GTF3C1: variants seen among roughly 807,000 people sequenced by gnomAD.
The protein encoded by GTF3C1 is general transcription factor IIIC subunit 1, also known as general transcription factor 3C polypeptide 1.
GTF3C1 carries 57 observed loss-of-function variants against 226.7 expected under a neutral mutation model. That is an observed-to-expected ratio of 0.25 (90% CI 0.20 to 0.31). The LOEUF (loss-of-function observed/expected upper bound fraction) is 0.31, where lower values mean the gene tolerates loss of function less well. Ranked by LOEUF, GTF3C1 falls within the 10% of genes least tolerant of loss-of-function variation. The pLI, the probability that GTF3C1 is intolerant of heterozygous loss-of-function variation, is 1.00. For missense variants in GTF3C1, 2,217 were observed against 2,776.1 expected (o/e 0.80, Z 4.53); for synonymous variants, 1,090 against 1,084.8 (o/e 1.00, Z -0.09).
In GTF3C1 at chr16:27,495,438, A is replaced by T. The variant is rs1229557966; in HGVS notation, c.2405T>A (p.Val802Glu). Residue 802 changes from valine (V) to glutamate (E), a missense_variant, in exon 15 of 37, where the codon GTG (valine) becomes GAG (glutamate). This residue lies in a region of GTF3C1 where 353 missense variants were observed against 411.7 expected (regional missense o/e 0.86). Transcript: ENST00000356183. ...GAGGTACCACAGAAACATGTGGACC[A>T]CCCGCAGGCGAGGCATTTTGGGCAG... ...GFLPKMPRLR[V>E]VHMFLWYLIY... 6.2e-7 allele frequency: 1 copy of T among 1,614,014 alleles called. No individual in the cohort carries two copies. The highest frequency in any genetic ancestry group is 1.7e-5 in the Admixed American group (1 of 60,002).
At chr16:27,546,709 T>C (rs1220274122) in intron 1 of GTF3C1, among the ~76,000 whole-genome samples, 1 of 152,032 alleles carries the variant, frequency 6.6e-6, no homozygotes, top group Non-Finnish European at 1.5e-5. Flanking sequence ...AAATCCTATG[T>C]ACATGTTTCA....
chr16:27,481,822 G>A (rs1415700441), intron 26 of GTF3C1, among the ~76,000 whole-genome samples: 3 of 152,108 alleles, frequency 2.0e-5, no homozygotes, highest in African/African-American at 7.2e-5. Flanking sequence ...CACTGTTGCT[G>A]CCCCAGCTGC....
chr16:27,504,476 C>T (rs886443313), intron 10 of GTF3C1, among the ~76,000 whole-genome samples: 1 of 152,188 alleles, frequency 6.6e-6, no homozygotes, highest in African/African-American at 2.4e-5. Flanking sequence ...AACGCCACGC[C>T]CCATCACCTC....
intron 23 of GTF3C1, among the ~76,000 whole-genome samples, chr16:27,487,223 G>A (rs987972642): frequency 3.3e-5 from 5 of 152,232 alleles, no homozygotes; most frequent in Non-Finnish European, 7.3e-5. Flanking sequence ...GCGAAACTGA[G>A]GGGGCCATTT....
intron 6 of GTF3C1, among the ~76,000 whole-genome samples, chr16:27,512,939 T>C (rs952128940): frequency 3.9e-5 from 6 of 152,190 alleles, no homozygotes; most frequent in Non-Finnish European, 7.3e-5. Flanking sequence ...AGATATCCTG[T>C]GATACGCGAC....
intron 4 of GTF3C1, among the ~76,000 whole-genome samples, chr16:27,535,264 G>T (rs762076861): frequency 6.6e-6 from 1 of 152,138 alleles, no homozygotes; most frequent in Non-Finnish European, 1.5e-5. Flanking sequence ...AGTGTTGTGA[G>T]CATTGGCTTA....
Position 27,545,540 on chromosome 16 carries a change from A to C in GTF3C1, c.222-17T>G. The C allele has an allele frequency of 6.9e-7, 1 of 1,452,850 alleles. No individual in the cohort carries two copies. Among genetic ancestry groups the C allele is most frequent in the Non-Finnish European group, 9.7e-7 (1 of 1,033,800 alleles). The allele number at this position is 1,452,850 out of a possible 1,614,324, so 90.0% of individuals were successfully genotyped here. ...TCTTCATACCTAAGGAGAAAAACAC[A>C]AATATCAAAGCCCAACTCAGCTTCA... On this transcript the variant is annotated splice_polypyrimidine_tract_variant and intron_variant, in intron 1 of 36. Transcript: ENST00000356183.
chr16:27,527,901 G>C (rs1463651692), intron 6 of GTF3C1, among the ~76,000 whole-genome samples: 1 of 151,906 alleles, frequency 6.6e-6, no homozygotes, highest in South Asian at 2.1e-4. Flanking sequence ...TTGAGCCCAG[G>C]AAGTGGAGAT....
In GTF3C1 at chr16:27,462,220, C is replaced by T; in HGVS notation, c.6117+74G>A. On this transcript the variant is annotated intron_variant, in intron 36 of 36. Transcript: ENST00000356183. The surrounding 1 kb of genome is among the most constrained non-coding windows in gnomAD (Gnocchi z 4.5). ...GGTGGTACTGCATGTTGCCTGGGGC[C>T]TGAACATCACAGCCGGGCCACTGAG... The T allele has an allele frequency of 9.3e-7, 1 of 1,075,014 alleles. No homozygotes were observed. The highest frequency in any genetic ancestry group is 1.4e-6 in the Non-Finnish European group (1 of 740,100). The allele number at this position is 1,075,014 out of a possible 1,614,324, so 66.6% of individuals were successfully genotyped here. A position where few individuals can be genotyped will look rare whatever the true frequency, so the allele number is the denominator to read the frequency against.
intron 10 of GTF3C1, among the ~76,000 whole-genome samples, chr16:27,504,702 GC>G (rs2088457623): frequency 6.6e-6 from 1 of 152,068 alleles, no homozygotes; most frequent in African/African-American, 2.4e-5. Context: ...GATCACTTGA[GC>G]CCAGGAGTTT....
Position 27,498,691 on chromosome 16 carries a change from G to A in GTF3C1, c.2104C>T (p.Leu702=). The change falls in exon 13 of 37, where the codon CTA becomes TTA. Residue 702 remains leucine (L), a synonymous_variant. Transcript: ENST00000356183. ...ACCTGCTCGATGGCACTTCTCACTA[G>A]AGGGTCGTTCTGGTCCATGGACGGG... The part of the protein sequence containing the change: ...VHPSMDQNDP[L]VRSAIEQVRF... 6.2e-7 allele frequency: 1 copy of A among 1,607,704 alleles called. No individual in the cohort carries two copies. The highest frequency in any genetic ancestry group is 8.5e-7 in the Non-Finnish European group (1 of 1,174,122).
intron 24 of GTF3C1, among the ~76,000 whole-genome samples, chr16:27,484,843 G>A (rs1232049617): frequency 6.6e-6 from 1 of 152,246 alleles, no homozygotes. Flanking sequence ...AGGCCGACAT[G>A]AGAAAGCCGC....
chr16:27,465,666 G>C, intron 32 of GTF3C1, 126 bp from the exon 33 acceptor site: 1 of 741,538 alleles, frequency 1.3e-6, no homozygotes, highest in South Asian at 1.8e-5. Flanking sequence ...ACAGCCACAG[G>C]GGTCACCTGC....
intron 15 of GTF3C1, 24 bp from the exon 16 acceptor site, chr16:27,494,932 C>CCCCGGCA: frequency 3.1e-6 from 5 of 1,606,790 alleles, no homozygotes; most frequent in Non-Finnish European, 4.3e-6. Flanking sequence ...GCACGGTTAC[C>CCCCGGCA]CCCGGCAGCC....
intron 33 of GTF3C1, 31 bp from the exon 34 acceptor site, chr16:27,464,867 G>T: frequency 1.3e-6 from 2 of 1,481,886 alleles, no homozygotes; most frequent in East Asian, 2.3e-5. Context: ...CGGGGTCTGT[G>T]GGGAGCTCGG....
rs1210877551 is a variant in GTF3C1 at position 27,489,598 on chromosome 16, G to A, written c.3293+4C>T. ...GGCCGGCCGCGCTTGGGACGGACAC[G>A]CACGTGGTGTACTCCAGCATGGCGC... On this transcript the variant is annotated splice_donor_region_variant and intron_variant, in intron 20 of 36. Transcript: ENST00000356183. The A allele has an allele frequency of 1.9e-6, 3 of 1,602,632 alleles. No individual in the cohort carries two copies. The highest frequency in any genetic ancestry group is 1.7e-6 in the Non-Finnish European group (2 of 1,175,912).
At chr16:27,514,904 G>A (rs1037501519) in intron 6 of GTF3C1, among the ~76,000 whole-genome samples, 1 of 152,312 alleles carries the variant, frequency 6.6e-6, no homozygotes, top group African/African-American at 2.4e-5. Context: ...GCGGCGCGGC[G>A]CCAGGGACGC....
At chr16:27,543,911 T>C (rs2089125653) in intron 2 of GTF3C1, among the ~76,000 whole-genome samples, 1 of 152,054 alleles carries the variant, frequency 6.6e-6, no homozygotes, top group South Asian at 2.1e-4. Context: ...GGAATCAGGA[T>C]TGCAGTGGGC....
At chr16:27,534,449 T>C (rs1164861982) in intron 4 of GTF3C1, among the ~76,000 whole-genome samples, 2 of 152,158 alleles carry the variant, frequency 1.3e-5, no homozygotes, top group South Asian at 2.1e-4. Flanking sequence ...CACTTCCCCA[T>C]CTGTACTGCT....
Sources: allele counts gnomAD v4.1 joint callset (sites outside exome capture counted in the v4.1 genomes callset), GRCh38; gene constraint gnomAD v4.1.1; regional missense constraint gnomAD v4.1.1; non-coding constraint Gnocchi (gnomAD v3.1); transcripts MANE v1.5; gene names NCBI Gene and HGNC (gene_info 2026-07-23, HGNC 2026-07-21).